PRPF38A: variants seen among roughly 807,000 people sequenced by gnomAD.
PRPF38A encodes pre-mRNA processing factor 38A.
A neutral mutation model predicts 46.8 loss-of-function variants in PRPF38A; 11 were observed. That is an observed-to-expected ratio of 0.24 (90% CI 0.15 to 0.39). The LOEUF (loss-of-function observed/expected upper bound fraction) is 0.39, where lower values mean the gene tolerates loss of function less well. PRPF38A is among the 10% of genes least tolerant of loss of function. The probability of loss-of-function intolerance (pLI) is 1.00; values close to 1 mark genes in which losing one functional copy is unlikely to be tolerated. For synonymous variants in PRPF38A, 124 were observed against 136.2 expected (o/e 0.91, Z 0.62); for missense variants, 261 against 407.5 (o/e 0.64, Z 3.10).
chr1:52,408,771 T>C (rs1569975382), intron 3 of PRPF38A, 81 bp downstream of exon 3: 2 of 1,505,468 alleles, frequency 1.3e-6, no homozygotes, highest in Non-Finnish European at 1.8e-6. Flanking sequence ...TGCATTGTCA[T>C]AGACAGTGTG....
chr1:52,420,085 T>C lies in PRPF38A; in HGVS notation c.*3395T>C, dbSNP rs182385188. ...GGGGTCAGGATGGTCTCAGATCTTATAACAAGAAGGCAATGAAGCAAAAGG... is the reference window on the plus strand; with the variant it reads ...GGGGTCAGGATGGTCTCAGATCTTACAACAAGAAGGCAATGAAGCAAAAGG... On this transcript the variant is annotated 3_prime_UTR_variant, in exon 10 of 10. Coordinates refer to ENST00000257181, the MANE Select transcript of PRPF38A (RefSeq NM_032864.4). The C allele has an allele frequency of 4.7e-4, 72 of 152,282 alleles. No homozygotes were observed. The highest frequency in any genetic ancestry group is 1.6e-3 in the African/African-American group (67 of 41,548). The allele number at this position is 152,282 out of a possible 1,614,324, so 9.4% of individuals were successfully genotyped here.
At chr1:52,414,563 G>A in intron 6 of PRPF38A, 58 bp from the exon 7 acceptor site, 2 of 1,586,236 alleles carry the variant, frequency 1.3e-6, no homozygotes, top group South Asian at 2.2e-5. Context: ...GGCCGTTTTT[G>A]CAATCTACCA....
At chr1:52,413,771 A>C in intron 5 of PRPF38A, 108 bp from the exon 6 acceptor site, 1 of 708,058 alleles carries the variant, frequency 1.4e-6, no homozygotes, top group Non-Finnish European at 2.5e-6. Flanking sequence ...CTTTAAAGTC[A>C]CATGGAGATG....
Position 52,416,729 on chromosome 1 carries a change from G to T in PRPF38A, c.*39G>T, listed in dbSNP as rs748996161. On this transcript the variant is annotated 3_prime_UTR_variant, in exon 10 of 10. Coordinates refer to ENST00000257181, the MANE Select transcript of PRPF38A (RefSeq NM_032864.4). ...GTTTTAGTCCACATGGCCTCCTGTG[G>T]ATATAAGGATATCTGTATGTGGAAG... 3 of 1,429,634 alleles carry T rather than the reference G, an allele frequency of 2.1e-6. No individual in the cohort carries two copies. In the East Asian group the frequency reaches 6.8e-5, roughly 32 times the overall value. The allele number at this position is 1,429,634 out of a possible 1,614,324, so 88.6% of individuals were successfully genotyped here.
intron 5 of PRPF38A, 59 bp downstream of exon 5, chr1:52,412,683 T>A: frequency 8.6e-7 from 1 of 1,164,624 alleles, no homozygotes; most frequent in Non-Finnish European, 1.3e-6. Flanking sequence ...ATGGGAATGG[T>A]TTTTTGTTTT....
At position 52,416,872 on chromosome 1, in the gene PRPF38A, A is replaced by G. The variant is rs1411348242; in HGVS notation, c.*182A>G. 3.3e-5 allele frequency: 20 copies of G among 609,050 alleles called. No individual in the cohort carries two copies. Among genetic ancestry groups the G allele is most frequent in the Non-Finnish European group, 5.6e-5 (19 of 336,368 alleles). 37.7% of individuals were successfully genotyped at this position (609,050 alleles called of 1,614,324 possible). On this transcript the variant is annotated 3_prime_UTR_variant, in exon 10 of 10. Coordinates refer to ENST00000257181, the MANE Select transcript of PRPF38A (RefSeq NM_032864.4). ...TTTTGTATCTTTTTAATCATAATCAACATCAGTTTTTGACCCAACTAACCT... is the reference window on the plus strand; with the variant it reads ...TTTTGTATCTTTTTAATCATAATCAGCATCAGTTTTTGACCCAACTAACCT...
chr1:52,414,604 T>G lies in PRPF38A; in HGVS notation c.723-17T>G. The G allele has an allele frequency of 6.2e-7, 1 of 1,612,860 alleles. No homozygotes were observed. Among genetic ancestry groups the G allele is most frequent in the Non-Finnish European group, 8.5e-7 (1 of 1,179,974 alleles). On this transcript the variant is annotated splice_polypyrimidine_tract_variant and intron_variant, in intron 6 of 9. Transcript: ENST00000257181. ...AGTGCGCCAACCTAGGCTTTCTTCT[T>G]CCTCTCCTCTTTATAGGCGGAGTCG...
intron 1 of PRPF38A, among the ~76,000 whole-genome samples, 155 bp from the exon 2 acceptor site, chr1:52,405,525 A>ATAT (rs1647957611): frequency 6.6e-6 from 1 of 152,232 alleles, no homozygotes; most frequent in African/African-American, 2.4e-5. Flanking sequence ...TTCTCAATGT[A>ATAT]TATTAGCTGT....
chr1:52,415,399 C>T lies in PRPF38A; in HGVS notation c.896+13C>T, dbSNP rs1460088226. The stretch of plus-strand genomic sequence containing the variant: ...AGTCTCCCGAAAGGTAATGAATTGA[C>T]CTCTATTTTAACTTTACAGAAATAG... On this transcript the variant is annotated intron_variant, in intron 9 of 9. Transcript: ENST00000257181. 4 of 1,609,656 alleles carry T rather than the reference C, an allele frequency of 2.5e-6. No homozygotes were observed. The highest frequency in any genetic ancestry group is 3.4e-6 in the Non-Finnish European group (4 of 1,176,244).
At chr1:52,415,631 C>G (rs1648268116) in intron 9 of PRPF38A, among the ~76,000 whole-genome samples, 1 of 152,062 alleles carries the variant, frequency 6.6e-6, no homozygotes, top group South Asian at 2.1e-4. Flanking sequence ...TCACTGCAGC[C>G]TCTGCCTCCC....
rs778337915 is a variant in PRPF38A at position 52,412,556 on chromosome 1, G to A, written c.541G>A (p.Val181Ile). 2 of 1,613,856 alleles carry A rather than the reference G, an allele frequency of 1.2e-6. No homozygotes were observed. Among genetic ancestry groups the A allele is most frequent in the South Asian group, 1.1e-5 (1 of 91,078 alleles). Residue 181 changes from valine to isoleucine, a missense_variant, in exon 5 of 10, where the codon GTT (valine) becomes ATT (isoleucine). Transcript: ENST00000257181. ...GGAAGCTGAGCAACTGGAGCCTCGA[G>A]TTAGTGCTCTGGAAGAGGACATGGA... ...LEEAEQLEPR[V>I]SALEEDMDDV...
chr1:52,405,601 A>G (rs1210746333), intron 1 of PRPF38A, 79 bp from the exon 2 acceptor site: 1 of 1,368,548 alleles, frequency 7.3e-7, no homozygotes, highest in Non-Finnish European at 1.0e-6. Flanking sequence ...TATTTAGGAG[A>G]ACCAAAGCTT....
At chr1:52,407,588 T>G (rs1205579522) in intron 2 of PRPF38A, among the ~76,000 whole-genome samples, 1 of 152,244 alleles carries the variant, frequency 6.6e-6, no homozygotes. Flanking sequence ...GTGTACTTGT[T>G]CTTGTATTGT....
At chr1:52,415,610 G>A (rs1648267411) in intron 9 of PRPF38A, among the ~76,000 whole-genome samples, 1 of 152,012 alleles carries the variant, frequency 6.6e-6, no homozygotes, top group Non-Finnish European at 1.5e-5. Flanking sequence ...GTGCAGTGGC[G>A]TGAACCTGGC....
chr1:52,414,748 A>T lies in PRPF38A; in HGVS notation c.750-14A>T, dbSNP rs1232438288. The stretch of plus-strand genomic sequence containing the variant: ...GCTAACCAGATCTGGTAGTCTGACC[A>T]GTCTTTTCTACAGCCCCTCCCCTCG... On this transcript the variant is annotated splice_polypyrimidine_tract_variant and intron_variant, in intron 7 of 9. Coordinates refer to ENST00000257181, the MANE Select transcript of PRPF38A (RefSeq NM_032864.4). 1 of 1,614,140 alleles carries T rather than the reference A, an allele frequency of 6.2e-7. No homozygotes were observed.
At chr1:52,414,379 G>A (rs924617207) in intron 6 of PRPF38A, among the ~76,000 whole-genome samples, 5 of 152,122 alleles carry the variant, frequency 3.3e-5, no homozygotes, top group Admixed American at 1.3e-4. Context: ...AAACAAACCC[G>A]GTCATGCAAA....
chr1:52,409,078 TCTC>T (rs1166951158), intron 3 of PRPF38A: 1 of 185,574 alleles, frequency 5.4e-6, no homozygotes, highest in Non-Finnish European at 1.1e-5. Context: ...TCTACTGGCC[TCTC>T]CTCTAACACT....
rs919586952 is a variant in PRPF38A, at chr1:52,417,699, T to G, written c.*1009T>G. ...CGATCTAGGCCAGAATTGACAATGT[T>G]TAAGTAATGGTGGAATCTGTCAATA... On this transcript the variant is annotated 3_prime_UTR_variant, in exon 10 of 10. Coordinates refer to ENST00000257181, the MANE Select transcript of PRPF38A (RefSeq NM_032864.4). The G allele has an allele frequency of 6.6e-6, 1 of 152,150 alleles. No homozygotes were observed. The highest frequency in any genetic ancestry group is 2.4e-5 in the African/African-American group (1 of 41,422). 9.4% of individuals were successfully genotyped at this position (152,150 alleles called of 1,614,324 possible).
At chr1:52,407,818 G>A (rs1648040146) in intron 2 of PRPF38A, among the ~76,000 whole-genome samples, 1 of 152,358 alleles carries the variant, frequency 6.6e-6, no homozygotes, top group South Asian at 2.1e-4. Context: ...CACTTTGGGA[G>A]GCCAAGGCAG....
Sources: gnomAD v4.1 joint callset for allele counts (sites outside exome capture counted in the v4.1 genomes callset) on GRCh38, gnomAD v4.1.1 for gene constraint, MANE v1.5 for transcripts, NCBI Gene and HGNC (gene_info 2026-07-23, HGNC 2026-07-21) for gene names.